LARP1B: variants seen among roughly 807,000 people sequenced by gnomAD.
LARP1B encodes the protein La ribonucleoprotein 1B.
LARP1B carries 76 observed loss-of-function variants against 114.2 expected under a neutral mutation model. That is an observed-to-expected ratio of 0.67 (90% CI 0.55 to 0.81). The LOEUF (loss-of-function observed/expected upper bound fraction) is 0.81, where lower values mean the gene tolerates loss of function less well. Among genes scored for constraint, LARP1B ranks in the 30% least tolerant of loss-of-function variants. LARP1B has a pLI of 0.00. For missense variants in LARP1B, 1,014 were observed against 1,075.8 expected, an observed-to-expected ratio of 0.94 and a Z score of 0.80; for synonymous variants, 345 against 348.0, an observed-to-expected ratio of 0.99 and a Z score of 0.10.
chr4:128,220,230 C>CA (rs1759907173), intron 6 of LARP1B: 1 of 186,278 alleles, frequency 5.4e-6, no homozygotes, highest in African/African-American at 2.4e-5. Flanking sequence ...TCCACTCTGA[C>CA]ATTCTGTATG....
intron 16 of LARP1B, among the ~76,000 whole-genome samples, chr4:128,200,044 C>T (rs554266792): frequency 6.6e-6 from 1 of 152,276 alleles, no homozygotes; most frequent in South Asian, 2.1e-4. Context: ...CAAAATCGTG[C>T]CATTGCACTC....
intron 13 of LARP1B, 60 bp downstream of exon 13, chr4:128,176,967 A>G: frequency 7.1e-7 from 1 of 1,415,468 alleles, no homozygotes. Context: ...GGGTATACAA[A>G]AGATGCAGGA....
intron 8 of LARP1B, among the ~76,000 whole-genome samples, chr4:128,098,765 ATATTTT>A (rs1163323125): frequency 9.1e-5 from 3 of 32,840 alleles, no homozygotes; most frequent in African/African-American, 3.7e-4. Flanking sequence ...ATATATATAT[ATATTTT>A]TTTTTTTTTT....
At chr4:128,132,147 A>C (rs1791752493) in intron 11 of LARP1B, among the ~76,000 whole-genome samples, 1 of 152,224 alleles carries the variant, frequency 6.6e-6, no homozygotes, top group African/African-American at 2.4e-5. Flanking sequence ...AAATGAACAG[A>C]ACTCAGATTT....
chr4:128,202,396 T>C (rs1001872279), intron 17 of LARP1B, among the ~76,000 whole-genome samples: 1 of 151,780 alleles, frequency 6.6e-6, no homozygotes, highest in African/African-American at 2.4e-5. Context: ...AATTCATACA[T>C]ATGAATTTAA....
intron 13 of LARP1B, 66 bp downstream of exon 13, chr4:128,176,973 C>A: frequency 7.4e-7 from 1 of 1,352,402 alleles, no homozygotes; most frequent in Non-Finnish European, 1.1e-6. Flanking sequence ...ACAAAAGATG[C>A]AGGAAAGGGA....
intron 15 of LARP1B, among the ~76,000 whole-genome samples, chr4:128,188,292 C>T (rs1050183348): frequency 6.6e-6 from 1 of 152,132 alleles, no homozygotes; most frequent in South Asian, 2.1e-4. Context: ...TCAGGCTGGT[C>T]TCGAACTCCC....
At chr4:128,140,827 T>TTTTTTTTTC (rs1727714232) in intron 11 of LARP1B, among the ~76,000 whole-genome samples, 2 of 33,702 alleles carry the variant, frequency 5.9e-5, no homozygotes, top group Non-Finnish European at 9.9e-5. Flanking sequence ...TGTCTCTGTT[T>TTTTTTTTTC]TTTTTTTTGG....
intron 15 of LARP1B, among the ~76,000 whole-genome samples, chr4:128,197,477 C>G (rs1341296601): frequency 1.3e-5 from 2 of 152,196 alleles, no homozygotes; most frequent in East Asian, 3.9e-4. Context: ...GGGCAGATCA[C>G]GAGGTCAAGA....
intron 6 of LARP1B, chr4:128,220,266 T>C: frequency 6.2e-6 from 2 of 324,958 alleles, no homozygotes; most frequent in Non-Finnish European, 8.8e-6. Flanking sequence ...CAAAGTAGTG[T>C]CACCACTTTC....
intron 11 of LARP1B, among the ~76,000 whole-genome samples, chr4:128,149,093 C>T (rs1731560801): frequency 6.6e-6 from 1 of 152,194 alleles, no homozygotes; most frequent in Admixed American, 6.5e-5. Context: ...GTTTTTCTTT[C>T]TGTGCATTAA....
chr4:128,176,442 T>C (rs1187306579), intron 12 of LARP1B, among the ~76,000 whole-genome samples: 1 of 151,324 alleles, frequency 6.6e-6, no homozygotes, highest in East Asian at 1.9e-4. Context: ...TACAGGCGCC[T>C]GCTACCACGC....
At chr4:128,099,937 G>T (rs529289923) in intron 8 of LARP1B, among the ~76,000 whole-genome samples, 1 of 152,062 alleles carries the variant, frequency 6.6e-6, no homozygotes, top group East Asian at 1.9e-4. Flanking sequence ...ATATATAGTG[G>T]TTTCTCATTG....
chr4:128,219,824 TA>T (rs1759857121), intron 6 of LARP1B, among the ~76,000 whole-genome samples: 1 of 151,654 alleles, frequency 6.6e-6, no homozygotes, highest in African/African-American at 2.4e-5. Context: ...AATAAATAAA[TA>T]AATAAATGGA....
At chr4:128,113,388 G>A (rs555522166) in intron 9 of LARP1B, among the ~76,000 whole-genome samples, 4 of 136,720 alleles carry the variant, frequency 2.9e-5, no homozygotes, top group South Asian at 2.3e-4. Flanking sequence ...TTGCTCTGTC[G>A]CCCAGGCTGG....
At chr4:128,144,684 C>T (rs1012764731) in intron 11 of LARP1B, among the ~76,000 whole-genome samples, 2 of 152,038 alleles carry the variant, frequency 1.3e-5, no homozygotes, top group Non-Finnish European at 2.9e-5. Context: ...CTGTATTTAT[C>T]ATTCTGTCTT....
chr4:128,103,589 GTC>G (rs1781051247), intron 8 of LARP1B, among the ~76,000 whole-genome samples: 1 of 141,206 alleles, frequency 7.1e-6, no homozygotes, highest in Non-Finnish European at 1.5e-5. Flanking sequence ...TTGAGACAGA[GTC>G]TCACTCTGTC....
At chr4:128,141,799 C>T (rs1012298094) in intron 11 of LARP1B, among the ~76,000 whole-genome samples, 3 of 152,102 alleles carry the variant, frequency 2.0e-5, no homozygotes, top group African/African-American at 7.2e-5. Context: ...CTGCCTTGAC[C>T]CAGACAGCAT....
At chr4:128,190,776 T>C (rs1752011780) in intron 15 of LARP1B, among the ~76,000 whole-genome samples, 1 of 152,200 alleles carries the variant, frequency 6.6e-6, no homozygotes, top group Admixed American at 6.5e-5. Context: ...TCAGGTATTA[T>C]TTATAGCAGA....
Sources: allele counts gnomAD v4.1 joint callset (sites outside exome capture counted in the v4.1 genomes callset), GRCh38; gene constraint gnomAD v4.1.1; transcripts MANE v1.5; gene names NCBI Gene and HGNC (gene_info 2026-07-23, HGNC 2026-07-21).